Variants in PLPPR4 observed in about 807,000 individuals in gnomAD.
The protein encoded by PLPPR4 is phospholipid phosphatase related 4.
In PLPPR4, 24 loss-of-function variants were observed where a neutral mutation model predicts 56.6. The observed-to-expected ratio is 0.42, with a 90% CI of 0.31 to 0.60. PLPPR4 has a LOEUF of 0.60. Among genes scored for constraint, PLPPR4 ranks in the 20% least tolerant of loss-of-function variants. The pLI, the probability that PLPPR4 is intolerant of heterozygous loss-of-function variation, is 0.13. For missense variants in PLPPR4, 654 were observed against 885.8 expected (o/e 0.74, Z 3.32); for synonymous variants, 326 against 328.1 (o/e 0.99, Z 0.07).
At chr1:99,298,941 G>C in intron 3 of PLPPR4, 94 bp from the exon 4 acceptor site, 1 of 882,336 alleles carries the variant, frequency 1.1e-6, no homozygotes, top group Non-Finnish European at 1.9e-6. Context: ...GAACACAATA[G>C]ATTTTAAGAT....
chr1:99,282,066 T>G (rs929419166), intron 1 of PLPPR4, among the ~76,000 whole-genome samples: 4 of 152,156 alleles, frequency 2.6e-5, no homozygotes, highest in African/African-American at 9.7e-5. Flanking sequence ...CCTCCAGCCT[T>G]GGACTCTCCT....
At chr1:99,298,413 C>T (rs556528960) in intron 3 of PLPPR4, among the ~76,000 whole-genome samples, 1 of 152,182 alleles carries the variant, frequency 6.6e-6, no homozygotes, top group South Asian at 2.1e-4. Flanking sequence ...CTAGGAGAAA[C>T]AGAAAAAATA....
chr1:99,274,108 T>C (rs1659126307), intron 1 of PLPPR4, among the ~76,000 whole-genome samples: 1 of 152,130 alleles, frequency 6.6e-6, no homozygotes, highest in African/African-American at 2.4e-5. Context: ...ATAAGGTGCA[T>C]ATACCAGCAA....
At chr1:99,298,798 T>C in intron 3 of PLPPR4, 1 of 620,096 alleles carries the variant, frequency 1.6e-6, no homozygotes, top group South Asian at 2.0e-5. Flanking sequence ...ATTGGCACTT[T>C]ATCACCAAAT....
At chr1:99,297,536 A>T (rs1390850867) in intron 3 of PLPPR4, among the ~76,000 whole-genome samples, 1 of 152,130 alleles carries the variant, frequency 6.6e-6, no homozygotes, top group African/African-American at 2.4e-5. Flanking sequence ...CACACAATAC[A>T]TCACACTAAC....
intron 4 of PLPPR4, 55 bp from the exon 5 acceptor site, chr1:99,300,854 T>C (rs372573556): frequency 9.1e-4 from 1,185 of 1,303,356 alleles, no homozygotes; most frequent in Middle Eastern, 5.3e-3. Flanking sequence ...TTTGAGATGA[T>C]TGCTAGCAGT....
rs10612152 is a variant in PLPPR4 at position 99,269,997 on chromosome 1, T to TTGTGTGTGTGTG, written c.78+5363_78+5374dup. ...ATTACTCAGAAAGTTTTCATTCCTT[T>TTGTGTGTGTGTG]TGTGTGTGTGTGTGTGTGTGTGTGT... On this transcript the variant is annotated intron_variant, in intron 1 of 6. Coordinates refer to ENST00000370185, the MANE Select transcript of PLPPR4 (RefSeq NM_014839.5). Among the ~76,000 whole-genome samples, 16 of 134,474 alleles carry TTGTGTGTGTGTG rather than the reference T, an allele frequency of 1.2e-4. 1 individual carries two copies. The highest frequency in any genetic ancestry group is 2.2e-4 in the Admixed American group (3 of 13,392). 88.2% of individuals were successfully genotyped at this position (134,474 alleles called of 152,430 possible).
intron 1 of PLPPR4, among the ~76,000 whole-genome samples, chr1:99,270,024 T>C (rs1193048629): frequency 4.0e-5 from 6 of 151,312 alleles, no homozygotes; most frequent in Non-Finnish European, 5.9e-5. Flanking sequence ...TGTGTGTGTG[T>C]GTGTGTGTGT....
chr1:99,267,323 T>C (rs1398358366), intron 1 of PLPPR4, among the ~76,000 whole-genome samples: 1 of 152,150 alleles, frequency 6.6e-6, no homozygotes, highest in African/African-American at 2.4e-5. Context: ...GGGGCTGAAA[T>C]CAAGATGGAC....
chr1:99,279,925 T>C (rs1659280847), intron 1 of PLPPR4, among the ~76,000 whole-genome samples: 1 of 152,214 alleles, frequency 6.6e-6, no homozygotes, highest in Admixed American at 6.5e-5. Context: ...ACATACCTAA[T>C]AAATTCTACT....
At position 99,296,847 on chromosome 1, in the gene PLPPR4, G is replaced by T; in HGVS notation, c.374G>T (p.Arg125Ile). 1 of 1,584,588 alleles carries T rather than the reference G, an allele frequency of 6.3e-7. No individual in the cohort carries two copies. The highest frequency in any genetic ancestry group is 8.6e-7 in the Non-Finnish European group (1 of 1,160,874). The change falls in exon 3 of 7, where the codon AGA (arginine) becomes ATA (isoleucine). Residue 125 changes from arginine (R) to isoleucine (I), a missense_variant. Coordinates refer to ENST00000370185, the MANE Select transcript of PLPPR4 (RefSeq NM_014839.5). The stretch of plus-strand genomic sequence containing the variant: ...GGCTGCAACTTCAATTCCTTCCTCA[G>T]ACGAGCTGTCAGATTCGTTGGTGGG... ...AGGCNFNSFL[R>I]RAVRFVGVHV...
chr1:99,268,798 A>G (rs976584735), intron 1 of PLPPR4, among the ~76,000 whole-genome samples: 1 of 152,320 alleles, frequency 6.6e-6, no homozygotes, highest in East Asian at 1.9e-4. Context: ...GGTAAAAAGC[A>G]ATGTTCCACT....
chr1:99,296,936 A>G, intron 3 of PLPPR4, 69 bp downstream of exon 3: 34 of 1,356,266 alleles, frequency 2.5e-5, no homozygotes, highest in Non-Finnish European at 3.2e-5. Flanking sequence ...ATTTAATTAT[A>G]GATATTAAGT....
chr1:99,286,072 A>G (rs1447396251), intron 1 of PLPPR4, among the ~76,000 whole-genome samples: 1 of 152,226 alleles, frequency 6.6e-6, no homozygotes, highest in Non-Finnish European at 1.5e-5. Context: ...CACAAAGCCT[A>G]GAAAGTACAC....
chr1:99,270,753 C>T (rs1354909292), intron 1 of PLPPR4, among the ~76,000 whole-genome samples: 1 of 152,156 alleles, frequency 6.6e-6, no homozygotes, highest in Non-Finnish European at 1.5e-5. Context: ...TTCTGCATTG[C>T]ATATACCAAA....
rs1660097528 is a variant in PLPPR4 at position 99,308,309 on chromosome 1, T to C, written c.*1299T>C. On this transcript the variant is annotated 3_prime_UTR_variant, in exon 7 of 7. Coordinates refer to ENST00000370185, the MANE Select transcript of PLPPR4 (RefSeq NM_014839.5). ...TCACGGTACAAATTAAGAATGACTTTCTTCAAAATATCTGAATAGGTGCAG... is the reference window on the plus strand; with the variant it reads ...TCACGGTACAAATTAAGAATGACTTCCTTCAAAATATCTGAATAGGTGCAG... 1.3e-5 allele frequency: 2 copies of C among 152,200 alleles called. No homozygotes were observed. The highest frequency in any genetic ancestry group is 4.1e-4 in the South Asian group (2 of 4,826). The allele number at this position is 152,200 out of a possible 1,614,324, so 9.4% of individuals were successfully genotyped here. A position where few individuals can be genotyped will look rare whatever the true frequency, so the allele number is the denominator to read the frequency against.
At position 99,266,888 on chromosome 1, in the gene PLPPR4, T is replaced by C. The variant is rs187442047; in HGVS notation, c.78+2217T>C. Among the ~76,000 whole-genome samples the C allele has an allele frequency of 2.0e-5, 3 of 152,358 alleles. No individual in the cohort carries two copies. The East Asian group carries it at 5.8e-4, about 29-fold the overall frequency. ...TTGAAATGACTCATTTTGAAGCTGG[T>C]GAGAATGCACTAAATTTACATCTCC... is the stretch of plus-strand genomic sequence containing the variant. On this transcript the variant is annotated intron_variant, in intron 1 of 6. Coordinates refer to ENST00000370185, the MANE Select transcript of PLPPR4 (RefSeq NM_014839.5).
intron 2 of PLPPR4, among the ~76,000 whole-genome samples, chr1:99,289,718 G>A (rs76786691): frequency 0.029 from 4,441 of 151,966 alleles, 132 homozygotes; most frequent in East Asian, 0.14. Flanking sequence ...CAATAGATGC[G>A]GAAAAGGTTT....
upstream of PLPPR4, chr1:99,264,455 G>C: frequency 6.7e-7 from 1 of 1,494,056 alleles, no homozygotes; most frequent in Admixed American, 2.5e-5. Context: ...GCTGCATGCA[G>C]CGCGCTGGCT....
Sources: gnomAD v4.1 joint callset for allele counts (sites outside exome capture counted in the v4.1 genomes callset) on GRCh38, gnomAD v4.1.1 for gene constraint, MANE v1.5 for transcripts, NCBI Gene and HGNC (gene_info 2026-07-23, HGNC 2026-07-21) for gene names.